CSNK2A2IP: variants seen among roughly 807,000 people sequenced by gnomAD.
CSNK2A2IP encodes the protein casein kinase 2 subunit alpha' interacting protein.
At chr3:88,363,430 A>C in the CSNK2A2IP span, among the ~76,000 whole-genome samples, 1 of 152,150 alleles carries the variant, frequency 6.6e-6, no homozygotes, top group East Asian at 1.9e-4. Context: ...TCTCTACTTA[A>C]TTTTAATTGA....
At chr3:88,400,343 T>C in the CSNK2A2IP span, among the ~76,000 whole-genome samples, 1 of 152,048 alleles carries the variant, frequency 6.6e-6, no homozygotes, top group Non-Finnish European at 1.5e-5. Context: ...CACTACATAA[T>C]CTAATGCTGC....
chr3:88,382,235 A>G, the CSNK2A2IP span, among the ~76,000 whole-genome samples: 6 of 152,282 alleles, frequency 3.9e-5, no homozygotes, highest in East Asian at 1.2e-3. Context: ...TACCTTTGAG[A>G]TAGAAAGTGA....
the CSNK2A2IP span, among the ~76,000 whole-genome samples, chr3:88,463,941 G>T: frequency 6.6e-6 from 1 of 151,874 alleles, no homozygotes; most frequent in Non-Finnish European, 1.5e-5. Context: ...AGAAAATGTG[G>T]CACATATACA....
the CSNK2A2IP span, among the ~76,000 whole-genome samples, chr3:88,357,519 C>A: frequency 2.0e-5 from 3 of 152,056 alleles, no homozygotes; most frequent in Non-Finnish European, 4.4e-5. Flanking sequence ...AGTTTGATCT[C>A]CAACTTTGTT....
the CSNK2A2IP span, among the ~76,000 whole-genome samples, chr3:88,447,753 T>G: frequency 6.6e-6 from 1 of 152,144 alleles, no homozygotes. Flanking sequence ...TTATTTTCTA[T>G]GTCTTCTACT....
At chr3:88,438,573 C>T in the CSNK2A2IP span, among the ~76,000 whole-genome samples, 1 of 152,138 alleles carries the variant, frequency 6.6e-6, no homozygotes, top group Non-Finnish European at 1.5e-5. Flanking sequence ...GGGGTTCTGC[C>T]TTATACCTAC....
the CSNK2A2IP span, among the ~76,000 whole-genome samples, chr3:88,343,557 C>T: frequency 1.3e-5 from 2 of 151,830 alleles, no homozygotes; most frequent in African/African-American, 4.8e-5. Flanking sequence ...TAAAAAATGA[C>T]ATTGGTATAG....
At chr3:88,363,399 C>T in the CSNK2A2IP span, among the ~76,000 whole-genome samples, 1 of 152,206 alleles carries the variant, frequency 6.6e-6, no homozygotes, top group African/African-American at 2.4e-5. Flanking sequence ...AGATTTGGGC[C>T]TTTAAAAAGT....
chr3:88,426,948 G>A, the CSNK2A2IP span, among the ~76,000 whole-genome samples: 1 of 151,882 alleles, frequency 6.6e-6, no homozygotes, highest in South Asian at 2.1e-4. Flanking sequence ...AAGCAGCTTT[G>A]GAACTGGGTA....
the CSNK2A2IP span, among the ~76,000 whole-genome samples, chr3:88,342,381 G>A: frequency 2.0e-5 from 3 of 151,920 alleles, no homozygotes; most frequent in African/African-American, 7.2e-5. Context: ...CCAGCTGTTT[G>A]AACCATGTTC....
the CSNK2A2IP span, among the ~76,000 whole-genome samples, chr3:88,400,081 A>G: frequency 2.0e-5 from 3 of 152,250 alleles, no homozygotes; most frequent in Non-Finnish European, 4.4e-5. Context: ...GTTTAAAACA[A>G]ATCGTAGATT....
chr3:88,394,284 A>G, the CSNK2A2IP span, among the ~76,000 whole-genome samples: 1 of 152,194 alleles, frequency 6.6e-6, no homozygotes, highest in Non-Finnish European at 1.5e-5. Flanking sequence ...TGAAAGTTTA[A>G]TTTTATCCAT....
the CSNK2A2IP span, among the ~76,000 whole-genome samples, chr3:88,458,307 C>G: frequency 6.6e-6 from 1 of 151,836 alleles, no homozygotes; most frequent in African/African-American, 2.4e-5. Context: ...TGCGCCACCA[C>G]GCCTGGCTAA....
At chr3:88,429,050 A>T in the CSNK2A2IP span, among the ~76,000 whole-genome samples, 1 of 113,876 alleles carries the variant, frequency 8.8e-6, no homozygotes, top group African/African-American at 3.4e-5. Context: ...TGGTAACACA[A>T]TTCTTTTAAC....
the CSNK2A2IP span, among the ~76,000 whole-genome samples, chr3:88,458,335 G>C: frequency 6.6e-6 from 1 of 151,804 alleles, no homozygotes; most frequent in East Asian, 1.9e-4. Flanking sequence ...GTTTTTAGTA[G>C]AGATGGGGTT....
the CSNK2A2IP span, among the ~76,000 whole-genome samples, chr3:88,362,723 T>C: frequency 6.6e-6 from 1 of 152,156 alleles, no homozygotes; most frequent in Non-Finnish European, 1.5e-5. Flanking sequence ...GCAGATTCCC[T>C]TTCAGTTTAG....
the CSNK2A2IP span, among the ~76,000 whole-genome samples, chr3:88,417,258 C>T: frequency 1.3e-5 from 2 of 152,088 alleles, no homozygotes; most frequent in African/African-American, 2.4e-5. Flanking sequence ...ATTTATTCAT[C>T]CTTTTTTTTA....
chr3:88,416,483 C>T, the CSNK2A2IP span, among the ~76,000 whole-genome samples: 3 of 152,058 alleles, frequency 2.0e-5, no homozygotes, highest in African/African-American at 7.2e-5. Flanking sequence ...CATTTTGAAC[C>T]TTCAGATAAA....
At chr3:88,451,475 A>G in the CSNK2A2IP span, among the ~76,000 whole-genome samples, 1 of 151,960 alleles carries the variant, frequency 6.6e-6, no homozygotes, top group South Asian at 2.1e-4. Flanking sequence ...TAAATTTTAA[A>G]TATGAACTGT....
Sources: gnomAD v4.1 joint callset for allele counts (sites outside exome capture counted in the v4.1 genomes callset) on GRCh38, gnomAD v4.1.1 for gene constraint, MANE v1.5 for transcripts, NCBI Gene and HGNC (gene_info 2026-07-23, HGNC 2026-07-21) for gene names.